XKR6: variants seen among roughly 807,000 people sequenced by gnomAD.
The protein encoded by XKR6 is XK-related protein 6.
XKR6 carries 22 observed loss-of-function variants against 56.7 expected under a neutral mutation model. That is an observed-to-expected ratio of 0.39 (90% CI 0.28 to 0.55). The LOEUF (loss-of-function observed/expected upper bound fraction) is 0.55. Among genes scored for constraint, XKR6 ranks in the 20% least tolerant of loss-of-function variants. XKR6 has a pLI of 0.66. For missense variants in XKR6, 852 were observed against 889.0 expected (o/e 0.96, Z 0.53); for synonymous variants, 524 against 387.8 (o/e 1.35, Z -4.13).
At chr8:11,133,791 A>C (rs1800239431) in intron 1 of XKR6, among the ~76,000 whole-genome samples, 1 of 151,950 alleles carries the variant, frequency 6.6e-6, no homozygotes, top group Non-Finnish European at 1.5e-5. Context: ...TCTTACAACC[A>C]CCCCACATCC....
At position 11,046,731 on chromosome 8, in the gene XKR6, C is replaced by G. The variant is rs887237771; in HGVS notation, c.765-121901G>C. ...ATAAGGAATCAACTTAAGTGGCCAT[C>G]CATGGATGAATAGACAAAGAAAATC... On this transcript the variant is annotated intron_variant, in intron 1 of 2. Coordinates refer to ENST00000416569, the MANE Select transcript of XKR6 (RefSeq NM_173683.4). Among the ~76,000 whole-genome samples the G allele has an allele frequency of 2.0e-5, 3 of 152,174 alleles. No homozygotes were observed. In the South Asian group the frequency reaches 6.3e-4, roughly 32 times the overall value.
At chr8:11,062,042 A>T (rs917973344) in intron 1 of XKR6, among the ~76,000 whole-genome samples, 3 of 152,186 alleles carry the variant, frequency 2.0e-5, no homozygotes, top group African/African-American at 4.8e-5. Context: ...AATCATCTGA[A>T]AGCACTGCAT....
intron 1 of XKR6, among the ~76,000 whole-genome samples, chr8:10,988,894 C>A (rs778068730): frequency 3.3e-5 from 5 of 152,170 alleles, no homozygotes; most frequent in African/African-American, 7.2e-5. Flanking sequence ...GCTTGTGGAA[C>A]GTTTCTTGAT....
At chr8:10,946,657 C>T (rs776303835) in intron 1 of XKR6, among the ~76,000 whole-genome samples, 4 of 152,002 alleles carry the variant, frequency 2.6e-5, no homozygotes, top group Non-Finnish European at 5.9e-5. Context: ...CCCTCTCAGT[C>T]GTATTCAAGC....
At chr8:11,184,773 C>G (rs902600332) in intron 1 of XKR6, among the ~76,000 whole-genome samples, 3 of 152,070 alleles carry the variant, frequency 2.0e-5, no homozygotes, top group African/African-American at 7.3e-5. Context: ...CTCATGCAAT[C>G]AACCCGCCTC....
At chr8:10,966,984 C>G (rs1227488456) in intron 1 of XKR6, among the ~76,000 whole-genome samples, 1 of 152,152 alleles carries the variant, frequency 6.6e-6, no homozygotes, top group African/African-American at 2.4e-5. Context: ...TCTAGAGCCT[C>G]ACTACTCAAA....
At chr8:11,021,512 A>G (rs1438936659) in intron 1 of XKR6, among the ~76,000 whole-genome samples, 1 of 152,170 alleles carries the variant, frequency 6.6e-6, no homozygotes, top group Non-Finnish European at 1.5e-5. Context: ...TTCAGGGCCC[A>G]GCACAATTCA....
intron 1 of XKR6, among the ~76,000 whole-genome samples, chr8:10,953,416 C>T (rs1390431927): frequency 6.6e-6 from 1 of 152,190 alleles, no homozygotes; most frequent in Non-Finnish European, 1.5e-5. Context: ...TGACTGTAAG[C>T]TTCTGAGGCC....
chr8:10,986,302 C>A (rs907440051), intron 1 of XKR6, among the ~76,000 whole-genome samples: 4 of 152,126 alleles, frequency 2.6e-5, no homozygotes, highest in Non-Finnish European at 5.9e-5. Context: ...ATTATGTAAA[C>A]ATAAAATGAA....
intron 1 of XKR6, among the ~76,000 whole-genome samples, chr8:11,030,179 T>G (rs1017602824): frequency 6.6e-6 from 1 of 152,140 alleles, no homozygotes. Flanking sequence ...CCTGCCCGAG[T>G]TGGGCTCATT....
chr8:10,959,406 C>T (rs1466183191), intron 1 of XKR6, among the ~76,000 whole-genome samples: 4 of 152,156 alleles, frequency 2.6e-5, no homozygotes, highest in African/African-American at 9.7e-5. Flanking sequence ...GCTCTGGTTG[C>T]TATAACAAAA....
At chr8:11,002,236 A>T (rs73539367) in intron 1 of XKR6, among the ~76,000 whole-genome samples, 3,876 of 152,218 alleles carry the variant, frequency 0.025, 158 homozygotes, top group African/African-American at 0.088. Flanking sequence ...CTCCCCTCTG[A>T]CTTCCACAAG....
intron 1 of XKR6, among the ~76,000 whole-genome samples, chr8:11,016,508 C>T (rs1279240116): frequency 1.3e-5 from 2 of 152,224 alleles, no homozygotes; most frequent in African/African-American, 4.8e-5. Flanking sequence ...GCGGGTAGCG[C>T]CTTCGCCCAC....
chr8:11,162,060 T>TA (rs1295459130), intron 1 of XKR6, among the ~76,000 whole-genome samples: 1 of 152,094 alleles, frequency 6.6e-6, no homozygotes, highest in Non-Finnish European at 1.5e-5. Flanking sequence ...ATTTTATATG[T>TA]AAAAAAACTG....
At chr8:11,039,769 A>T (rs1029421687) in intron 1 of XKR6, among the ~76,000 whole-genome samples, 4 of 152,220 alleles carry the variant, frequency 2.6e-5, no homozygotes, top group African/African-American at 7.2e-5. Flanking sequence ...CTGCAAATGA[A>T]TAAGTGCACG....
At chr8:10,953,517 C>G (rs1248343147) in intron 1 of XKR6, among the ~76,000 whole-genome samples, 1 of 152,180 alleles carries the variant, frequency 6.6e-6, no homozygotes, top group Non-Finnish European at 1.5e-5. Flanking sequence ...ATTACCTAGT[C>G]TCAGGTATTT....
chr8:11,190,406 G>C (rs2117125451), intron 1 of XKR6, among the ~76,000 whole-genome samples: 1 of 151,306 alleles, frequency 6.6e-6, no homozygotes, highest in Admixed American at 6.8e-5. Flanking sequence ...TGGGACCTGT[G>C]GGGTATGCCA....
At chr8:10,940,685 C>T (rs982148035) in intron 1 of XKR6, among the ~76,000 whole-genome samples, 2 of 152,194 alleles carry the variant, frequency 1.3e-5, no homozygotes, top group Non-Finnish European at 2.9e-5. Context: ...TCCCCACTAT[C>T]CCAGGAGCTG....
At chr8:10,978,723 C>A (rs948264045) in intron 1 of XKR6, among the ~76,000 whole-genome samples, 2 of 152,224 alleles carry the variant, frequency 1.3e-5, no homozygotes, top group African/African-American at 4.8e-5. Context: ...AGACGCCCAC[C>A]CTCTGCTTCA....
Sources: allele counts gnomAD v4.1 joint callset (sites outside exome capture counted in the v4.1 genomes callset), GRCh38; gene constraint gnomAD v4.1.1; transcripts MANE v1.5; gene names NCBI Gene and HGNC (gene_info 2026-07-23, HGNC 2026-07-21).